CCDC57: variants seen among roughly 807,000 people sequenced by gnomAD.
CCDC57 encodes the protein coiled-coil domain containing 57.
A neutral mutation model predicts 118.9 loss-of-function variants in CCDC57; 118 were observed. The ratio of observed to expected loss-of-function variants is 0.99; its 90% CI spans 0.86 to 1.16. The LOEUF is 1.16. Among genes scored for constraint, CCDC57 ranks in the 50% most tolerant of loss-of-function variants. The probability of loss-of-function intolerance (pLI) is 0.00; values close to 1 mark genes in which losing one functional copy is unlikely to be tolerated. For synonymous variants in CCDC57, 527 were observed against 532.9 expected (o/e 0.99, Z 0.15); for missense variants, 1,300 against 1,320.7 (o/e 0.98, Z 0.24).
In CCDC57 at chr17:82,122,442, G is replaced by A. The variant is rs1362257125; in HGVS notation, c.2899+5250C>T. Among the ~76,000 whole-genome samples, 4 of 152,110 alleles carry A rather than the reference G, an allele frequency of 2.6e-5. No homozygotes were observed. The East Asian group carries it at 5.8e-4, about 22-fold the overall frequency. On this transcript the variant is annotated intron_variant, in intron 19 of 19. Transcript: ENST00000665763. ...AGGTGCTTGTGGCGCTCTAGGACTC[G>A]GAGGGCAGGTGCTCGTGGTTGCTCT...
At chr17:82,176,829 C>G (rs1281052531) in intron 11 of CCDC57, among the ~76,000 whole-genome samples, 1 of 145,122 alleles carries the variant, frequency 6.9e-6, no homozygotes, top group African/African-American at 2.5e-5. Flanking sequence ...GCACTCACTT[C>G]CAACAGGGAA....
In CCDC57 at chr17:82,151,737, G is replaced by T. The variant is rs769330897; in HGVS notation, c.2278C>A (p.Gln760Lys). Residue 760 changes from glutamine (Q) to lysine (K), a missense_variant, in exon 16 of 20, where the codon CAG (glutamine) becomes AAG (lysine). Physicochemically the swap from Gln to Lys is moderately conservative, Grantham distance 53. Transcript: ENST00000665763. ...CGGAGGTGCAGGAAAAGCTCCCCCT[G>T]GTCCTCGGCCTCCATAGGCCCTCTC... 2.6e-6 allele frequency: 4 copies of T among 1,550,294 alleles called. No individual in the cohort carries two copies. In the South Asian group the frequency reaches 4.8e-5, roughly 18 times the overall value.
chr17:82,157,583 A>C, intron 15 of CCDC57, 165 bp downstream of exon 14: 3 of 1,436,050 alleles, frequency 2.1e-6, no homozygotes, highest in African/African-American at 1.4e-5. Context: ...AGGAATGGGG[A>C]GAGGGGGTGG....
rs779485131 is a variant in CCDC57, at chr17:82,151,701, G to A, written c.2314C>T (p.Arg772Cys). Residue 772 changes from arginine (R) to cysteine (C), a missense_variant, in exon 16 of 20, where the codon CGT (arginine) becomes TGT (cysteine). Coordinates refer to ENST00000665763, the Ensembl canonical transcript of CCDC57. ...TGCATAGATAAGGTCTGGGGGGCAC[G>A]TGCCACTGACCGGAGGTGCAGGAAA... 1.7e-5 allele frequency: 27 copies of A among 1,550,232 alleles called. No homozygotes were observed. In the South Asian group the frequency reaches 1.8e-4, roughly 10 times the overall value.
intron 1 of CCDC57, among the ~76,000 whole-genome samples, chr17:82,209,390 A>G (rs1259141018): frequency 6.6e-6 from 1 of 152,238 alleles, no homozygotes; most frequent in Non-Finnish European, 1.5e-5. Flanking sequence ...AAACAAAAAA[A>G]CTTAAAATCA....
At chr17:82,102,509 C>T (rs2034521807) in intron 19 of CCDC57, among the ~76,000 whole-genome samples, 1 of 152,186 alleles carries the variant, frequency 6.6e-6, no homozygotes, top group African/African-American at 2.4e-5. Context: ...TTTATCTGGC[C>T]AGTTTTTCTC....
chr17:82,101,931 A>C, intron 19 of CCDC57, 65 bp from the exon 19 acceptor site: 1 of 1,430,110 alleles, frequency 7.0e-7, no homozygotes, highest in Non-Finnish European at 9.3e-7. Context: ...GGCTGTGCTC[A>C]CAGGCACTGC....
chr17:82,188,455 G>A (rs1297136951), intron 7 of CCDC57, 36 bp from the exon 7 acceptor site: 3 of 1,584,562 alleles, frequency 1.9e-6, no homozygotes, highest in Non-Finnish European at 2.6e-6. Flanking sequence ...CGCTCACCCA[G>A]CCCCCAACAC....
At chr17:82,171,435 C>T (rs1055922901) in intron 13 of CCDC57, among the ~76,000 whole-genome samples, 1 of 143,998 alleles carries the variant, frequency 6.9e-6, no homozygotes, top group African/African-American at 2.6e-5. Context: ...AAACAGGGAA[C>T]GCTGACTGCA....
At chr17:82,167,196 T>C (rs2044099345) in intron 13 of CCDC57, among the ~76,000 whole-genome samples, 1 of 151,634 alleles carries the variant, frequency 6.6e-6, no homozygotes, top group Non-Finnish European at 1.5e-5. Context: ...AAGGAAAGAG[T>C]GTGGAGCCGA....
chr17:82,193,829 C>T (rs748961872), exon 7 of CCDC57: 8 of 1,592,470 alleles, frequency 5.0e-6, no homozygotes, highest in Middle Eastern at 1.7e-4. Flanking sequence ...AAATCCTTTA[C>T]CCTGAAAAGA....
At chr17:82,194,299 G>T in intron 5 of CCDC57, 160 bp from the exon 5 acceptor site, 1 of 670,204 alleles carries the variant, frequency 1.5e-6, no homozygotes, top group Non-Finnish European at 2.3e-6. Flanking sequence ...ACTCAAACGA[G>T]ACTCAATGAC....
rs144064153 is a variant in CCDC57 at position 82,137,163 on chromosome 17, A to G, written c.2456-2969T>C. On this transcript the variant is annotated intron_variant, in intron 16 of 19. Transcript: ENST00000665763. ...CTCTTCAGTAGCTTGGATTACAGGC[A>G]CCTGCCACCATGCCCGGCTAATTTT... 2.4e-3 allele frequency among the ~76,000 whole-genome samples: 358 copies of G among 152,012 alleles called. 8 individuals carry two copies. In the East Asian group the frequency reaches 0.051, roughly 22 times the overall value.
At chr17:82,159,734 C>T (rs902818415) in intron 14 of CCDC57, among the ~76,000 whole-genome samples, 5 of 150,466 alleles carry the variant, frequency 3.3e-5, no homozygotes, top group Admixed American at 1.3e-4. Context: ...TGCAGTAGCG[C>T]GATCTCAGCT....
intron 3 of CCDC57, 67 bp downstream of exon 2, chr17:82,201,471 G>A (rs1446773770): frequency 1.0e-5 from 15 of 1,463,766 alleles, no homozygotes; most frequent in African/African-American, 7.0e-5. Flanking sequence ...GCAGCACAGC[G>A]GAGCAGGAGG....
chr17:82,119,199 A>C (rs1412144625), intron 19 of CCDC57, among the ~76,000 whole-genome samples: 1 of 152,090 alleles, frequency 6.6e-6, no homozygotes, highest in Non-Finnish European at 1.5e-5. Context: ...ACTTTGGAGA[A>C]AACTGCTGCC....
At chr17:82,167,635 G>A (rs575308776) in intron 13 of CCDC57, among the ~76,000 whole-genome samples, 9 of 152,176 alleles carry the variant, frequency 5.9e-5, no homozygotes, top group South Asian at 4.1e-4. Context: ...GCAGGCACCC[G>A]CAACCACACC....
chr17:82,127,888 C>G, exon 19 of CCDC57: 1 of 1,611,996 alleles, frequency 6.2e-7, no homozygotes, highest in Non-Finnish European at 8.5e-7. Context: ...TACAGGTCAC[C>G]GTGTGGATGC....
intron 2 of CCDC57, 85 bp from the exon 2 acceptor site, chr17:82,202,037 A>C: frequency 7.5e-7 from 1 of 1,333,716 alleles, no homozygotes; most frequent in Non-Finnish European, 1.0e-6. Flanking sequence ...ATTCCCTATC[A>C]ACAGTTACCA....
Sources: gnomAD v4.1 joint callset for allele counts (sites outside exome capture counted in the v4.1 genomes callset) on GRCh38, gnomAD v4.1.1 for gene constraint, MANE v1.5 for transcripts, NCBI Gene and HGNC (gene_info 2026-07-23, HGNC 2026-07-21) for gene names.